The following TMED3 variants were observed in gnomAD, a reference collection of about 807,000 sequenced individuals.
TMED3 encodes transmembrane emp24 domain-containing protein 3.
A neutral mutation model predicts 15.0 loss-of-function variants in TMED3; 9 were observed. That is an observed-to-expected ratio of 0.60 (90% CI 0.36 to 1.04). TMED3 has a LOEUF of 1.04. TMED3 is among the 50% of genes least tolerant of loss of function. The pLI, the probability that TMED3 is intolerant of heterozygous loss-of-function variation, is 0.01. For missense variants in TMED3, 267 were observed against 278.9 expected, an observed-to-expected ratio of 0.96 and a Z score of 0.30; for synonymous variants, 117 against 121.4, an observed-to-expected ratio of 0.96 and a Z score of 0.24.
intron 2 of TMED3, among the ~76,000 whole-genome samples, chr15:79,362,691 A>G (rs2141241294): frequency 6.6e-6 from 1 of 152,202 alleles, no homozygotes; most frequent in South Asian, 2.1e-4. Flanking sequence ...ATTAAGTCTC[A>G]TGAGATCTGA....
chr15:79,399,941 T>C (rs903850270), intron 2 of TMED3, among the ~76,000 whole-genome samples: 7 of 152,158 alleles, frequency 4.6e-5, no homozygotes, highest in Non-Finnish European at 1.5e-5. Context: ...CCTCTCTACT[T>C]TGCAAGTAGG....
chr15:79,338,187 G>A (rs1352437802), intron 2 of TMED3, among the ~76,000 whole-genome samples: 1 of 152,202 alleles, frequency 6.6e-6, no homozygotes, highest in East Asian at 1.9e-4. Flanking sequence ...GTTTACCTCT[G>A]GGAATTGAAG....
intron 2 of TMED3, among the ~76,000 whole-genome samples, chr15:79,408,174 A>C (rs752891098): frequency 1.3e-5 from 2 of 152,206 alleles, no homozygotes; most frequent in African/African-American, 2.4e-5. Flanking sequence ...TAAGAATGTA[A>C]GAATGTTTGT....
chr15:79,320,902 A>G (rs2058763644), intron 2 of TMED3, among the ~76,000 whole-genome samples: 1 of 152,132 alleles, frequency 6.6e-6, no homozygotes, highest in African/African-American at 2.4e-5. Context: ...GCTCTGGGGA[A>G]GGATCTGCTT....
At chr15:79,380,579 TTTTA>T (rs71150907) in intron 2 of TMED3, among the ~76,000 whole-genome samples, 16,039 of 136,406 alleles carry the variant, frequency 0.12, 957 homozygotes, top group Admixed American at 0.14. Context: ...ATATATATAG[TTTTA>T]TATATATATA....
chr15:79,370,685 G>A (rs1437166193), intron 2 of TMED3, among the ~76,000 whole-genome samples: 2 of 152,264 alleles, frequency 1.3e-5, no homozygotes, highest in East Asian at 3.9e-4. Context: ...GGTTATTAAT[G>A]GGGTAGTTTT....
intron 2 of TMED3, among the ~76,000 whole-genome samples, chr15:79,371,856 A>G (rs1211047660): frequency 6.6e-6 from 1 of 152,214 alleles, no homozygotes; most frequent in African/African-American, 2.4e-5. Context: ...AACTTACAGA[A>G]AAACAAGATA....
chr15:79,359,996 T>C (rs1380335532), intron 2 of TMED3, among the ~76,000 whole-genome samples: 1 of 152,208 alleles, frequency 6.6e-6, no homozygotes, highest in Non-Finnish European at 1.5e-5. Flanking sequence ...TACTTTACTA[T>C]GTTATACTCT....
chr15:79,411,383 C>G, intron 2 of TMED3: 1 of 702,180 alleles, frequency 1.4e-6, no homozygotes, highest in Non-Finnish European at 2.6e-6. Context: ...ATCTTTTTAT[C>G]TTTTTGAACA....
chr15:79,388,289 A>T (rs1004293496), intron 2 of TMED3, among the ~76,000 whole-genome samples: 3 of 152,184 alleles, frequency 2.0e-5, no homozygotes, highest in Admixed American at 2.0e-4. Context: ...GTCTGCTTTT[A>T]TTCCAAGTAT....
At chr15:79,381,871 T>G (rs1261862877) in intron 2 of TMED3, among the ~76,000 whole-genome samples, 3 of 152,326 alleles carry the variant, frequency 2.0e-5, no homozygotes, top group Non-Finnish European at 4.4e-5. Flanking sequence ...CAGAGCTCAC[T>G]GGGGTCTTAA....
chr15:79,337,813 C>A (rs937815946), intron 2 of TMED3, among the ~76,000 whole-genome samples: 3 of 152,186 alleles, frequency 2.0e-5, no homozygotes, highest in Non-Finnish European at 4.4e-5. Context: ...TCGTTTGTAA[C>A]AAAATGTGGT....
intron 2 of TMED3, among the ~76,000 whole-genome samples, chr15:79,363,778 C>T (rs1278173147): frequency 6.6e-6 from 1 of 152,188 alleles, no homozygotes; most frequent in African/African-American, 2.4e-5. Flanking sequence ...TGTTACCAAA[C>T]CGAACTTGGG....
At chr15:79,375,725 A>G (rs181023127) in intron 2 of TMED3, among the ~76,000 whole-genome samples, 2 of 152,182 alleles carry the variant, frequency 1.3e-5, no homozygotes, top group Non-Finnish European at 2.9e-5. Context: ...TAAATCATTC[A>G]TAAGAACTCC....
At chr15:79,396,760 A>G (rs562148021) in intron 2 of TMED3, among the ~76,000 whole-genome samples, 30 of 152,374 alleles carry the variant, frequency 2.0e-4, no homozygotes, top group Admixed American at 1.6e-3. Flanking sequence ...ACTTCAGGCA[A>G]CTGAAGTAAA....
intron 2 of TMED3, among the ~76,000 whole-genome samples, chr15:79,362,969 A>G (rs951248952): frequency 6.6e-6 from 1 of 152,242 alleles, no homozygotes; most frequent in Non-Finnish European, 1.5e-5. Flanking sequence ...GTGCTATCAG[A>G]TAATGTAGCA....
intron 2 of TMED3, among the ~76,000 whole-genome samples, chr15:79,367,982 T>C (rs964131046): frequency 9.2e-5 from 14 of 152,118 alleles, no homozygotes; most frequent in Non-Finnish European, 1.5e-5. Flanking sequence ...GAAGAAAGAA[T>C]AGTGGTCAGA....
At chr15:79,368,395 A>G (rs1260554166) in intron 2 of TMED3, among the ~76,000 whole-genome samples, 2 of 152,204 alleles carry the variant, frequency 1.3e-5, no homozygotes, top group African/African-American at 4.8e-5. Context: ...GACCACTGAG[A>G]ACTCCTTTAG....
At chr15:79,377,269 CATGT>C (rs1414545207) in intron 2 of TMED3, among the ~76,000 whole-genome samples, 4 of 77,350 alleles carry the variant, frequency 5.2e-5, no homozygotes, top group African/African-American at 1.2e-4. Context: ...AGAGTGTGTG[CATGT>C]GTGTGTGTGT....
Sources: allele counts gnomAD v4.1 joint callset (sites outside exome capture counted in the v4.1 genomes callset), GRCh38; gene constraint gnomAD v4.1.1; transcripts MANE v1.5; gene names NCBI Gene and HGNC (gene_info 2026-07-23, HGNC 2026-07-21).